The following TEX15 variants were observed in gnomAD, a reference collection of about 807,000 sequenced individuals.
TEX15 encodes testis expressed 15, meiosis and synapsis associated.
A neutral mutation model predicts 237.3 loss-of-function variants in TEX15; 171 were observed. That is an observed-to-expected ratio of 0.72 (90% CI 0.64 to 0.82). The LOEUF (loss-of-function observed/expected upper bound fraction) is 0.82. Among genes scored for constraint, TEX15 ranks in the 40% least tolerant of loss-of-function variants. TEX15 has a pLI of 0.00. For synonymous variants in TEX15, 1,338 were observed against 1,269.8 expected (o/e 1.05, Z -1.14); for missense variants, 3,750 against 3,646.5 (o/e 1.03, Z -0.73).
At chr8:30,862,867 A>G (rs1056219848) in intron 5 of TEX15, among the ~76,000 whole-genome samples, 2 of 152,200 alleles carry the variant, frequency 1.3e-5, no homozygotes, top group African/African-American at 2.4e-5. Context: ...CGATTCTGCT[A>G]TGAGACTTTT....
At chr8:30,881,733 T>G (rs1349953605) in intron 3 of TEX15, among the ~76,000 whole-genome samples, 1 of 151,582 alleles carries the variant, frequency 6.6e-6, no homozygotes, top group Admixed American at 6.6e-5. Context: ...ACGATTCTCC[T>G]GTCTCAGCCT....
At chr8:30,886,916 C>T (rs1230963390) in intron 3 of TEX15, 2 of 306,354 alleles carry the variant, frequency 6.5e-6, no homozygotes, top group Non-Finnish European at 5.9e-6. Context: ...GGTCTTCTCT[C>T]CAGTTTCGAA....
At chr8:30,906,784 G>C (rs1303821796) in intron 1 of TEX15, among the ~76,000 whole-genome samples, 1 of 151,982 alleles carries the variant, frequency 6.6e-6, no homozygotes, top group Non-Finnish European at 1.5e-5. Flanking sequence ...TTTATAAGCA[G>C]ATTTTCCCAT....
Position 30,867,476 on chromosome 8 carries a change from T to C in TEX15, c.329A>G (p.His110Arg). 6.5e-7 allele frequency: 1 copy of C among 1,534,182 alleles called. No homozygotes were observed. The change falls in exon 5 of 11, where the codon CAT becomes CGT. Residue 110 changes from histidine to arginine, a missense_variant. Transcript: ENST00000643185. ...KRSEMRESGR[H>R]CRELEEQFCF... ...GAACTGTTCTTCAAGTTCCCTGCAA[T>C]GTCTTCCACTTTCACGCATCTCTGA... is the stretch of plus-strand genomic sequence containing the variant.
chr8:30,836,944 C>T lies in TEX15; in HGVS notation c.9340G>A (p.Gly3114Arg). 1 of 1,614,104 alleles carries T rather than the reference C, an allele frequency of 6.2e-7. No homozygotes were observed. ...PQANGFVPVN[G>R]YFQSQIPASN... Reference sequence around the variant, plus strand: ...GCAGGTATTTGAGATTGAAAATACCCATTCACTGGCACAAAGCCATTTGCT... The same window carrying T: ...GCAGGTATTTGAGATTGAAAATACCTATTCACTGGCACAAAGCCATTTGCT... The change falls in exon 10 of 11, where the codon GGG becomes AGG. Residue 3114 changes from glycine (G) to arginine (R), a missense_variant. Physicochemically the swap from Gly to Arg is moderately radical, Grantham distance 125. Transcript: ENST00000643185.
intron 8 of TEX15, among the ~76,000 whole-genome samples, chr8:30,841,657 T>C (rs1807455459): frequency 1.3e-5 from 2 of 152,228 alleles, no homozygotes. Flanking sequence ...AGGCTTGTTA[T>C]ACAGAAAAGC....
In TEX15 at chr8:30,831,799, A is replaced by G. The variant is rs1002278208; in HGVS notation, c.*1487T>C. On this transcript the variant is annotated 3_prime_UTR_variant, in exon 11 of 11. Coordinates refer to ENST00000643185, the MANE Select transcript of TEX15 (RefSeq NM_001350162.2). ...CTTGCCATAACCAAACATAAACCAA[A>G]TGACTGAGGGAAACATAAATCAAAT... The G allele has an allele frequency of 6.6e-6, 1 of 152,210 alleles. No homozygotes were observed. The highest frequency in any genetic ancestry group is 2.4e-5 in the African/African-American group (1 of 41,458). 9.4% of individuals were successfully genotyped at this position (152,210 alleles called of 1,614,324 possible). A position where few individuals can be genotyped will look rare whatever the true frequency, so the allele number is the denominator to read the frequency against.
At chr8:30,836,780 A>G (rs1395420681) in intron 10 of TEX15, 23 bp downstream of exon 10, 9 of 1,554,260 alleles carry the variant, frequency 5.8e-6, no homozygotes, top group Non-Finnish European at 7.0e-6. Context: ...TCAATAAAGC[A>G]GGCATTAAAA....
chr8:30,877,771 G>C (rs1563264602), intron 3 of TEX15, among the ~76,000 whole-genome samples: 1 of 152,100 alleles, frequency 6.6e-6, no homozygotes, highest in Non-Finnish European at 1.5e-5. Context: ...ATCAAAACTA[G>C]GAAAATGACA....
intron 2 of TEX15, among the ~76,000 whole-genome samples, chr8:30,889,000 C>T (rs1247577178): frequency 2.0e-5 from 3 of 152,172 alleles, no homozygotes; most frequent in Admixed American, 6.5e-5. Flanking sequence ...ATGTTCACCT[C>T]GCAGTTTAGT....
intron 1 of TEX15, among the ~76,000 whole-genome samples, chr8:30,909,986 A>G (rs80265083): frequency 3.3e-4 from 50 of 152,290 alleles, no homozygotes; most frequent in Middle Eastern, 3.4e-3. Context: ...ATCATCCTTC[A>G]TGAAGCCAAG....
chr8:30,840,034 C>T, intron 8 of TEX15, 70 bp from the exon 9 acceptor site: 1 of 902,022 alleles, frequency 1.1e-6, no homozygotes, highest in Non-Finnish European at 1.6e-6. Context: ...ATTATTATTT[C>T]AATATTAGAT....
rs1164647519 is a variant in TEX15 at position 30,858,833 on chromosome 8, G to C, written c.688-3C>G. On this transcript the variant is annotated splice_polypyrimidine_tract_variant and splice_region_variant and intron_variant, in intron 6 of 10. Transcript: ENST00000643185. ...ACACTGTATTCATAGAAGTACACCT[G>C]AAAGATGAAAACAGGTTCATGCTGA... 1 of 1,519,862 alleles carries C rather than the reference G, an allele frequency of 6.6e-7. No homozygotes were observed. Among genetic ancestry groups the C allele is most frequent in the African/African-American group, 1.4e-5 (1 of 71,930 alleles). 94.1% of individuals were successfully genotyped at this position (1,519,862 alleles called of 1,614,324 possible).
At chr8:30,838,408 T>C (rs1351245253) in intron 9 of TEX15, among the ~76,000 whole-genome samples, 4 of 152,098 alleles carry the variant, frequency 2.6e-5, no homozygotes, top group Non-Finnish European at 5.9e-5. Context: ...GCCTCCTGCC[T>C]GATGATCTTC....
At chr8:30,892,114 C>T (rs1808806222) in intron 2 of TEX15, among the ~76,000 whole-genome samples, 1 of 152,164 alleles carries the variant, frequency 6.6e-6, no homozygotes, top group African/African-American at 2.4e-5. Context: ...ATATTTTCTT[C>T]TAAAACTTTC....
chr8:30,859,585 G>C (rs1434267405), intron 6 of TEX15, among the ~76,000 whole-genome samples: 1 of 152,046 alleles, frequency 6.6e-6, no homozygotes, highest in Non-Finnish European at 1.5e-5. Context: ...CAGCAATTCT[G>C]AAATAATGCA....
Position 30,844,273 on chromosome 8 carries a change from G to A in TEX15, c.5894C>T (p.Ser1965Phe), listed in dbSNP as rs762560982. 3 of 1,613,248 alleles carry A rather than the reference G, an allele frequency of 1.9e-6. No individual in the cohort carries two copies. In the African/African-American group the frequency reaches 4.0e-5, roughly 22 times the overall value. Residue 1965 changes from serine to phenylalanine, a missense_variant, in exon 8 of 11, where the codon TCT becomes TTT. Coordinates refer to ENST00000643185, the MANE Select transcript of TEX15 (RefSeq NM_001350162.2). ...VNHTPILPAH[S>F]ETCKVPTLLK... is the part of the protein sequence containing the mutation. ...AAGAGTAGGGACTTTACAGGTTTCAGAGTGGGCAGGTAAAATAGGCGTATG... is the reference window on the plus strand; with the variant it reads ...AAGAGTAGGGACTTTACAGGTTTCAAAGTGGGCAGGTAAAATAGGCGTATG...
intron 1 of TEX15, among the ~76,000 whole-genome samples, chr8:30,912,103 C>A (rs1809233254): frequency 6.6e-6 from 1 of 152,208 alleles, no homozygotes; most frequent in African/African-American, 2.4e-5. Context: ...CTCAGGCGCC[C>A]GCGTCGGAGC....
At chr8:30,835,633 A>T (rs1344078462) in intron 10 of TEX15, among the ~76,000 whole-genome samples, 2 of 152,192 alleles carry the variant, frequency 1.3e-5, no homozygotes, top group Non-Finnish European at 2.9e-5. Context: ...ATTTTTATTT[A>T]AAGTACATTT....
Sources: gnomAD v4.1 joint callset for allele counts (sites outside exome capture counted in the v4.1 genomes callset) on GRCh38, gnomAD v4.1.1 for gene constraint, MANE v1.5 for transcripts, NCBI Gene and HGNC (gene_info 2026-07-23, HGNC 2026-07-21) for gene names.